Variants in LRRIQ1 observed in about 807,000 individuals in gnomAD.
The protein encoded by LRRIQ1 is leucine-rich repeat- and IQ domain-containing protein 1.
Under a neutral mutation model 211.9 loss-of-function variants are expected in LRRIQ1, and 210 were observed. The observed-to-expected ratio is 0.99, with a 90% CI of 0.89 to 1.11. The LOEUF is 1.11. Among genes scored for constraint, LRRIQ1 ranks in the 50% most tolerant of loss-of-function variants. The probability of loss-of-function intolerance (pLI) is 0.00; values close to 1 mark genes in which losing one functional copy is unlikely to be tolerated. For synonymous variants in LRRIQ1, 699 were observed against 650.1 expected (o/e 1.08, Z -1.14); for missense variants, 2,136 against 1,939.5 (o/e 1.10, Z -1.90).
intron 3 of LRRIQ1, 76 bp downstream of exon 3, chr12:85,040,677 T>C: frequency 1.2e-6 from 1 of 815,022 alleles, no homozygotes; most frequent in Non-Finnish European, 2.0e-6. Context: ...TAAACTAAAG[T>C]GCTTAAAGTT....
intron 24 of LRRIQ1, among the ~76,000 whole-genome samples, chr12:85,219,831 T>C (rs762806308): frequency 1.2e-4 from 18 of 152,160 alleles, no homozygotes; most frequent in Non-Finnish European, 1.8e-4. Flanking sequence ...ATGGCTCTTA[T>C]AGAGTTACTG....
At chr12:85,154,119 A>AAT in intron 23 of LRRIQ1, 25 bp downstream of exon 23, 1 of 1,296,322 alleles carries the variant, frequency 7.7e-7, no homozygotes, top group South Asian at 1.6e-5. Context: ...CTCTTTGAAT[A>AAT]ATAACTGTGT....
intron 24 of LRRIQ1, among the ~76,000 whole-genome samples, chr12:85,191,485 C>G (rs943295504): frequency 1.3e-5 from 2 of 151,938 alleles, no homozygotes; most frequent in African/African-American, 4.8e-5. Context: ...CATGTCTGGT[C>G]ATAACTTGAT....
At chr12:85,093,662 C>G (rs1410081372) in intron 11 of LRRIQ1, among the ~76,000 whole-genome samples, 1 of 152,174 alleles carries the variant, frequency 6.6e-6, no homozygotes. Flanking sequence ...CATATGACAC[C>G]TCAACAAACT....
chr12:85,101,798 T>C (rs1886365337), intron 13 of LRRIQ1, among the ~76,000 whole-genome samples: 1 of 151,738 alleles, frequency 6.6e-6, no homozygotes, highest in Non-Finnish European at 1.5e-5. Context: ...TACAAAAAGA[T>C]TTTTTCAAAG....
chr12:85,037,512 C>CT (rs1020279172), intron 1 of LRRIQ1, among the ~76,000 whole-genome samples: 4 of 151,224 alleles, frequency 2.6e-5, no homozygotes, highest in Non-Finnish European at 4.4e-5. Flanking sequence ...CTTTCTTTTC[C>CT]TTTTTTTATT....
intron 13 of LRRIQ1, among the ~76,000 whole-genome samples, chr12:85,102,944 C>CAAAAAAA (rs761217598): frequency 1.1e-5 from 1 of 87,752 alleles, no homozygotes; most frequent in African/African-American, 4.5e-5. Context: ...CTAATTGTGG[C>CAAAAAAA]AAAAAAAAAA....
At position 85,154,000 on chromosome 12, in the gene LRRIQ1, AT is replaced by A. The variant is rs1890396687; in HGVS notation, c.4638-11del. 6.6e-7 allele frequency: 1 copy of A among 1,514,844 alleles called. No individual in the cohort carries two copies. The highest frequency in any genetic ancestry group is 1.3e-5 in the South Asian group (1 of 75,900). 93.8% of individuals were successfully genotyped at this position (1,514,844 alleles called of 1,614,324 possible). On this transcript the variant is annotated splice_polypyrimidine_tract_variant and intron_variant, in intron 22 of 26. Coordinates refer to ENST00000393217, the MANE Select transcript of LRRIQ1 (RefSeq NM_001079910.2). Reference sequence around the variant, plus strand: ...ATTTGTTTTACCTTTATTATATTTAATCTTTTAATAGGGGCTTTAAGGATAT... The same window carrying A: ...ATTTGTTTTACCTTTATTATATTTAACTTTTAATAGGGGCTTTAAGGATAT...
downstream of LRRIQ1, among the ~76,000 whole-genome samples, chr12:85,265,881 A>G (rs1896407396): frequency 6.6e-6 from 1 of 152,076 alleles, no homozygotes; most frequent in Non-Finnish European, 1.5e-5. Context: ...TAATATAGAA[A>G]GGGTGTTTTA....
chr12:85,135,097 GTCA>G (rs1434267620), intron 18 of LRRIQ1, among the ~76,000 whole-genome samples: 1 of 151,910 alleles, frequency 6.6e-6, no homozygotes, highest in South Asian at 2.1e-4. Context: ...CAAAATAAAA[GTCA>G]TCACTCAAAC....
chr12:85,221,357 C>A (rs557400194), intron 24 of LRRIQ1, among the ~76,000 whole-genome samples: 1 of 152,016 alleles, frequency 6.6e-6, no homozygotes, highest in Non-Finnish European at 1.5e-5. Flanking sequence ...TTTTTGAGCA[C>A]CATCCTACTA....
intron 16 of LRRIQ1, 91 bp downstream of exon 16, chr12:85,121,967 CT>C (rs1048304160): frequency 2.7e-6 from 3 of 1,131,626 alleles, no homozygotes; most frequent in South Asian, 2.3e-5. Flanking sequence ...CACAATTATA[CT>C]TTTTTGGATT....
intron 26 of LRRIQ1, among the ~76,000 whole-genome samples, chr12:85,243,754 A>G (rs541416055): frequency 6.6e-6 from 1 of 151,786 alleles, no homozygotes; most frequent in African/African-American, 2.4e-5. Flanking sequence ...ATGTAAGTTC[A>G]TATGTTTAAA....
intron 11 of LRRIQ1, among the ~76,000 whole-genome samples, chr12:85,077,626 A>G (rs1284721009): frequency 6.6e-6 from 1 of 152,132 alleles, no homozygotes; most frequent in African/African-American, 2.4e-5. Context: ...CTCAGTTGTC[A>G]GCCTTTATTT....
At chr12:85,061,676 T>G (rs1291604944) in intron 8 of LRRIQ1, among the ~76,000 whole-genome samples, 5 of 151,798 alleles carry the variant, frequency 3.3e-5, no homozygotes, top group Admixed American at 2.6e-4. Context: ...AATTCTTGAG[T>G]GCTCAATTCT....
At chr12:85,212,187 A>C (rs1278022296) in intron 24 of LRRIQ1, among the ~76,000 whole-genome samples, 1 of 152,218 alleles carries the variant, frequency 6.6e-6, no homozygotes, top group East Asian at 1.9e-4. Flanking sequence ...TGGGAGGCTG[A>C]GGTGGGAGAA....
intron 24 of LRRIQ1, among the ~76,000 whole-genome samples, chr12:85,220,980 T>A (rs925813475): frequency 6.6e-6 from 1 of 151,720 alleles, no homozygotes; most frequent in African/African-American, 2.4e-5. Context: ...CCCGGCTAAT[T>A]TTTGTATTTT....
intron 10 of LRRIQ1, among the ~76,000 whole-genome samples, chr12:85,070,107 T>C (rs1387109532): frequency 2.0e-5 from 3 of 152,022 alleles, no homozygotes; most frequent in African/African-American, 7.2e-5. Context: ...CTGTATTTTC[T>C]ATAAATTGAA....
chr12:85,192,421 T>A (rs1317112363), intron 24 of LRRIQ1, among the ~76,000 whole-genome samples: 1 of 131,952 alleles, frequency 7.6e-6, no homozygotes, highest in African/African-American at 2.8e-5. Flanking sequence ...ATTATATACA[T>A]TTATATATAT....
Sources: allele counts gnomAD v4.1 joint callset (sites outside exome capture counted in the v4.1 genomes callset), GRCh38; gene constraint gnomAD v4.1.1; transcripts MANE v1.5; gene names NCBI Gene and HGNC (gene_info 2026-07-23, HGNC 2026-07-21).